LAMA2: variants seen among roughly 807,000 people sequenced by gnomAD.
LAMA2 encodes laminin subunit alpha-2.
A neutral mutation model predicts 364.8 loss-of-function variants in LAMA2; 269 were observed. That is an observed-to-expected ratio of 0.74 (90% CI 0.67 to 0.82). The LOEUF is 0.82. LAMA2 is among the 40% of genes least tolerant of loss of function. LAMA2 has a pLI of 0.00. For synonymous variants in LAMA2, 1,379 were observed against 1,370.6 expected (o/e 1.01, Z -0.14); for missense variants, 3,807 against 3,873.2 (o/e 0.98, Z 0.45).
At chr6:129,456,692 C>T (rs1168272215) in intron 48 of LAMA2, among the ~76,000 whole-genome samples, 198 bp downstream of exon 48, 1 of 152,042 alleles carries the variant, frequency 6.6e-6, no homozygotes. Context: ...ATTTTTAAGC[C>T]TATGTGTATT....
intron 9 of LAMA2, among the ~76,000 whole-genome samples, chr6:129,175,034 A>G (rs531134525): frequency 4.6e-5 from 7 of 152,358 alleles, no homozygotes; most frequent in East Asian, 1.9e-4. Flanking sequence ...AAATAATGTT[A>G]AACTATTTAA....
intron 17 of LAMA2, among the ~76,000 whole-genome samples, chr6:129,274,441 G>A (rs1180696013): frequency 6.6e-6 from 1 of 151,424 alleles, no homozygotes; most frequent in Non-Finnish European, 1.5e-5. Context: ...GGAGCTAAAG[G>A]TTGACGCAAC....
chr6:129,052,117 T>A (rs1160838918), intron 2 of LAMA2, among the ~76,000 whole-genome samples: 1 of 150,918 alleles, frequency 6.6e-6, no homozygotes, highest in East Asian at 2.0e-4. Context: ...TTTTAAAATT[T>A]GCTTAGTATT....
At chr6:129,201,041 T>G (rs912866412) in intron 12 of LAMA2, among the ~76,000 whole-genome samples, 8 of 152,172 alleles carry the variant, frequency 5.3e-5, no homozygotes, top group Non-Finnish European at 7.4e-5. Flanking sequence ...CTAGATTTCC[T>G]TATCTACCTT....
intron 1 of LAMA2, among the ~76,000 whole-genome samples, chr6:128,919,993 CT>C (rs1447099990): frequency 6.6e-6 from 1 of 152,100 alleles, no homozygotes; most frequent in Non-Finnish European, 1.5e-5. Flanking sequence ...TCTCTCACCA[CT>C]TTTTAAATCA....
At chr6:128,989,258 T>C (rs1043929591) in intron 1 of LAMA2, among the ~76,000 whole-genome samples, 1 of 152,080 alleles carries the variant, frequency 6.6e-6, no homozygotes, top group African/African-American at 2.4e-5. Context: ...ATCAAATATA[T>C]AATATGAAGA....
At chr6:129,026,064 A>G (rs971647025) in intron 1 of LAMA2, among the ~76,000 whole-genome samples, 2 of 152,172 alleles carry the variant, frequency 1.3e-5, no homozygotes, top group African/African-American at 4.8e-5. Context: ...GATTTACCTC[A>G]TCAGTAAAAT....
chr6:129,265,096 A>T (rs1485444314), intron 15 of LAMA2, among the ~76,000 whole-genome samples: 1 of 152,108 alleles, frequency 6.6e-6, no homozygotes, highest in African/African-American at 2.4e-5. Context: ...CATCAGAGAG[A>T]GTGAATATTG....
chr6:129,441,162 G>C (rs1782096094), intron 43 of LAMA2, among the ~76,000 whole-genome samples, 164 bp downstream of exon 43: 1 of 152,114 alleles, frequency 6.6e-6, no homozygotes, highest in African/African-American at 2.4e-5. Context: ...CAGTTCCAAA[G>C]CTGGAATCCA....
At chr6:129,433,877 A>G (rs896402246) in intron 41 of LAMA2, among the ~76,000 whole-genome samples, 5 of 152,182 alleles carry the variant, frequency 3.3e-5, no homozygotes, top group Admixed American at 3.3e-4. Flanking sequence ...CTTACTGCCT[A>G]TGGTAAATCC....
chr6:129,458,663 G>A lies in LAMA2; in HGVS notation c.6868-1537G>A, dbSNP rs573373012. Among the ~76,000 whole-genome samples, 19 of 152,006 alleles carry A rather than the reference G, an allele frequency of 1.2e-4. No homozygotes were observed. In the South Asian group the frequency reaches 3.5e-3, roughly 28 times the overall value. On this transcript the variant is annotated intron_variant, in intron 48 of 64. Transcript: ENST00000421865. The stretch of plus-strand genomic sequence containing the variant: ...CTCCAATGTGCAAGTCAGGGGCTCC[G>A]ATCAACAATCTTTCTATGCGGCTGT...
chr6:129,488,675 T>C (rs559138773), intron 56 of LAMA2, among the ~76,000 whole-genome samples: 19 of 152,224 alleles, frequency 1.2e-4, no homozygotes, highest in Non-Finnish European at 2.4e-4. Context: ...CATATTAGTG[T>C]GTAGTCACTG....
rs1444840349 is a variant in LAMA2, at chr6:129,177,682, G to C, written c.1307-24G>C. On this transcript the variant is annotated intron_variant, in intron 9 of 64. Coordinates refer to ENST00000421865, the MANE Select transcript of LAMA2 (RefSeq NM_000426.4). Reference sequence around the variant, plus strand: ...ATTATGTACTTGTTTTAGAAATGTTGATATGTGGCTCATCTTTCTTTAGGT... The same window carrying C: ...ATTATGTACTTGTTTTAGAAATGTTCATATGTGGCTCATCTTTCTTTAGGT... The C allele has an allele frequency of 3.7e-6, 6 of 1,612,068 alleles. No individual in the cohort carries two copies. The South Asian group carries it at 4.4e-5, about 12-fold the overall frequency.
chr6:129,037,414 A>C (rs980897658), intron 1 of LAMA2, among the ~76,000 whole-genome samples: 2 of 152,178 alleles, frequency 1.3e-5, no homozygotes, highest in African/African-American at 4.8e-5. Flanking sequence ...AATATATTGA[A>C]GTGAATTGTT....
At chr6:129,438,916 G>A (rs1234255159) in intron 42 of LAMA2, among the ~76,000 whole-genome samples, 154 bp downstream of exon 42, 1 of 151,998 alleles carries the variant, frequency 6.6e-6, no homozygotes, top group African/African-American at 2.4e-5. Context: ...TTGTGAGAAT[G>A]AGAAACTAAA....
At chr6:129,157,628 C>T in intron 8 of LAMA2, 1 of 1,612,284 alleles carries the variant, frequency 6.2e-7, no homozygotes, top group Non-Finnish European at 8.5e-7. Context: ...CTGACATTAG[C>T]TTCAAAACTG....
chr6:129,365,805 A>G, intron 32 of LAMA2, among the ~76,000 whole-genome samples: 1 of 152,156 alleles, frequency 6.6e-6, no homozygotes, highest in East Asian at 1.9e-4. Context: ...ATGGAGCACC[A>G]CACATTTAGA....
At chr6:128,951,998 C>G (rs1264536603) in intron 1 of LAMA2, among the ~76,000 whole-genome samples, 1 of 151,636 alleles carries the variant, frequency 6.6e-6, no homozygotes, top group Admixed American at 6.6e-5. Flanking sequence ...GACCCTGCCT[C>G]TAGAGAAAAT....
At chr6:128,998,037 G>A (rs548178747) in intron 1 of LAMA2, among the ~76,000 whole-genome samples, 2 of 152,204 alleles carry the variant, frequency 1.3e-5, no homozygotes, top group South Asian at 4.2e-4. Flanking sequence ...AAGAGTCAGA[G>A]AGCTGCACAG....
Sources: gnomAD v4.1 joint callset for allele counts (sites outside exome capture counted in the v4.1 genomes callset) on GRCh38, gnomAD v4.1.1 for gene constraint, MANE v1.5 for transcripts, NCBI Gene and HGNC (gene_info 2026-07-23, HGNC 2026-07-21) for gene names.